The following GLMN variants were observed in gnomAD, a reference collection of about 807,000 sequenced individuals.
GLMN encodes glomulin, FKBP associated protein.
A neutral mutation model predicts 87.8 loss-of-function variants in GLMN; 75 were observed. That is an observed-to-expected ratio of 0.85 (90% CI 0.71 to 1.04). The LOEUF (loss-of-function observed/expected upper bound fraction) is 1.04, where lower values mean the gene tolerates loss of function less well. GLMN is among the 50% of genes least tolerant of loss of function. The pLI is 0.00. For missense variants in GLMN, 588 were observed against 658.8 expected (o/e 0.89, Z 1.18); for synonymous variants, 206 against 221.6 (o/e 0.93, Z 0.63).
intron 3 of GLMN, among the ~76,000 whole-genome samples, chr1:92,295,976 A>C (rs1650001450): frequency 6.6e-6 from 1 of 152,236 alleles, no homozygotes; most frequent in African/African-American, 2.4e-5. Context: ...AAAAAACATA[A>C]GATTTATTAT....
chr1:92,342,666 G>A, the GLMN span, among the ~76,000 whole-genome samples: 2 of 152,198 alleles, frequency 1.3e-5, no homozygotes, highest in Admixed American at 6.5e-5. Flanking sequence ...AAGAAATGGT[G>A]TGACTGAAGA....
At chr1:92,339,555 A>G in the GLMN span, among the ~76,000 whole-genome samples, 1 of 152,130 alleles carries the variant, frequency 6.6e-6, no homozygotes, top group Non-Finnish European at 1.5e-5. Flanking sequence ...CAGCCAGTCA[A>G]TAATTTTAGA....
At chr1:92,363,621 C>A in the GLMN span, 1 of 229,716 alleles carries the variant, frequency 4.4e-6, no homozygotes, top group Non-Finnish European at 8.8e-6. Context: ...TTGAACTGTG[C>A]AAGTCCACTT....
the GLMN span, among the ~76,000 whole-genome samples, chr1:92,352,466 C>A: frequency 6.6e-6 from 1 of 152,044 alleles, no homozygotes; most frequent in Non-Finnish European, 1.5e-5. Context: ...TTAAAGCCTG[C>A]CTATCACTAA....
At chr1:92,258,582 G>A (rs2100837002) in intron 16 of GLMN, among the ~76,000 whole-genome samples, 1 of 152,254 alleles carries the variant, frequency 6.6e-6, no homozygotes, top group East Asian at 1.9e-4. Flanking sequence ...CATAAAAAAG[G>A]ATGAGTTCAT....
chr1:92,263,582 T>A, intron 15 of GLMN, 41 bp downstream of exon 15: 1 of 880,732 alleles, frequency 1.1e-6, no homozygotes, highest in Non-Finnish European at 2.0e-6. Flanking sequence ...TCACATTTTA[T>A]TCTGAATTTA....
At chr1:92,347,351 A>C in the GLMN span, among the ~76,000 whole-genome samples, 2 of 152,174 alleles carry the variant, frequency 1.3e-5, no homozygotes, top group Admixed American at 1.3e-4. Context: ...CTGCTCACCC[A>C]CCAGATCATA....
chr1:92,251,305 A>ATTTTTG (rs1653458868), intron 16 of GLMN, among the ~76,000 whole-genome samples: 3 of 152,202 alleles, frequency 2.0e-5, no homozygotes, highest in African/African-American at 7.2e-5. Context: ...GTCCAAAAAT[A>ATTTTTG]GACCCATACT....
chr1:92,276,290 A>G (rs1247165840), intron 7 of GLMN, among the ~76,000 whole-genome samples: 1 of 151,826 alleles, frequency 6.6e-6, no homozygotes, highest in Non-Finnish European at 1.5e-5. Flanking sequence ...ACATATTAAA[A>G]TATTATATTT....
upstream of GLMN, among the ~76,000 whole-genome samples, chr1:92,303,668 T>C (rs1651018985): frequency 6.6e-6 from 1 of 152,236 alleles, no homozygotes; most frequent in Admixed American, 6.5e-5. Flanking sequence ...TTAGCTTGTG[T>C]ATAGCTATAG....
chr1:92,301,636 T>A (rs755228760), upstream of GLMN: 2 of 799,994 alleles, frequency 2.5e-6, no homozygotes, highest in Non-Finnish European at 3.9e-6. Context: ...TATAACATCT[T>A]TAAATCTGTG....
intron 13 of GLMN, among the ~76,000 whole-genome samples, chr1:92,265,840 A>C (rs1488179497): frequency 1.3e-5 from 2 of 152,202 alleles, no homozygotes; most frequent in African/African-American, 2.4e-5. Context: ...GTTTTACTGG[A>C]ACACACCCAT....
At chr1:92,322,343 G>A in the GLMN span, among the ~76,000 whole-genome samples, 1 of 150,738 alleles carries the variant, frequency 6.6e-6, no homozygotes, top group Non-Finnish European at 1.5e-5. Flanking sequence ...TCGGGAGTTT[G>A]AGACCAGCCT....
chr1:92,308,658 T>TGG, the GLMN span, among the ~76,000 whole-genome samples: 1 of 152,248 alleles, frequency 6.6e-6, no homozygotes, highest in African/African-American at 2.4e-5. Flanking sequence ...TTCCTTTAGC[T>TGG]AATTTAAAAC....
At chr1:92,280,118 G>T (rs901778579) in intron 7 of GLMN, among the ~76,000 whole-genome samples, 1 of 152,230 alleles carries the variant, frequency 6.6e-6, no homozygotes, top group Non-Finnish European at 1.5e-5. Context: ...GGTTCTCTCA[G>T]CATAGCATTC....
At chr1:92,301,480 G>C (rs1310945652), upstream of GLMN, 5 of 1,561,180 alleles carry the variant, frequency 3.2e-6, no homozygotes, top group East Asian at 1.2e-4. Context: ...TTTTAGGAAA[G>C]CTGAACTAGA....
At chr1:92,290,047 T>C (rs1374721423) in intron 5 of GLMN, 151 bp downstream of exon 5, 6 of 660,480 alleles carry the variant, frequency 9.1e-6, no homozygotes, top group Non-Finnish European at 1.7e-5. Context: ...TGAGCAGCAG[T>C]ATTCACATTG....
At chr1:92,258,884 A>G (rs1197797363) in intron 16 of GLMN, among the ~76,000 whole-genome samples, 8 of 152,158 alleles carry the variant, frequency 5.3e-5, no homozygotes, top group African/African-American at 1.9e-4. Context: ...TGTATCCCAG[A>G]ACTTAAAAGT....
At chr1:92,364,384 G>T in the GLMN span, among the ~76,000 whole-genome samples, 4,793 of 152,224 alleles carry the variant, frequency 0.031, 136 homozygotes, top group Admixed American at 0.088. Flanking sequence ...ATATAAGGAA[G>T]AAAAGTAGAG....
Sources: gnomAD v4.1 joint callset for allele counts (sites outside exome capture counted in the v4.1 genomes callset) on GRCh38, gnomAD v4.1.1 for gene constraint, MANE v1.5 for transcripts, NCBI Gene and HGNC (gene_info 2026-07-23, HGNC 2026-07-21) for gene names.